The following RBFOX1 variants were observed in gnomAD, a reference collection of about 807,000 sequenced individuals.
The protein encoded by RBFOX1 is RNA binding protein fox-1 homolog 1.
A neutral mutation model predicts 57.7 loss-of-function variants in RBFOX1; 8 were observed. The observed-to-expected ratio is 0.14, with a 90% CI of 0.08 to 0.25. The LOEUF (loss-of-function observed/expected upper bound fraction) is 0.25, where lower values mean the gene tolerates loss of function less well. Ranked by LOEUF, RBFOX1 falls within the 10% of genes least tolerant of loss-of-function variation. RBFOX1 has a pLI of 1.00. For missense variants in RBFOX1, 611 were observed against 548.5 expected (o/e 1.11, Z -1.14); for synonymous variants, 326 against 222.4 (o/e 1.47, Z -4.15).
chr16:6,664,618 A>T (rs1226583168), intron 3 of RBFOX1, among the ~76,000 whole-genome samples: 1 of 152,190 alleles, frequency 6.6e-6, no homozygotes, highest in African/African-American at 2.4e-5. Context: ...GAGATTCGAC[A>T]TCATTTTTAC....
chr16:6,755,190 C>A (rs1322746555), intron 3 of RBFOX1, among the ~76,000 whole-genome samples: 2 of 152,166 alleles, frequency 1.3e-5, no homozygotes, highest in Non-Finnish European at 2.9e-5. Context: ...TTTATAGCAG[C>A]ATGATTTATA....
intron 3 of RBFOX1, among the ~76,000 whole-genome samples, chr16:6,693,706 T>C (rs1477390372): frequency 6.6e-6 from 1 of 151,412 alleles, no homozygotes; most frequent in Admixed American, 6.6e-5. Context: ...ACCATCATCC[T>C]CCTCCACTAC....
At chr16:6,656,809 G>C (rs926546618) in intron 3 of RBFOX1, among the ~76,000 whole-genome samples, 8 of 151,954 alleles carry the variant, frequency 5.3e-5, no homozygotes, top group African/African-American at 1.9e-4. Context: ...ATAATGCCCA[G>C]TTAAAATTCT....
intron 4 of RBFOX1, among the ~76,000 whole-genome samples, chr16:7,268,276 A>T (rs1213754308): frequency 6.6e-6 from 1 of 152,164 alleles, no homozygotes; most frequent in East Asian, 1.9e-4. Context: ...TTGCATTTTC[A>T]AAATATTTTG....
rs149047440 is a variant in RBFOX1 at position 7,235,665 on chromosome 16, C to G, written c.27+183567C>G. ...GGATGAATATGATGCCTCCCTCTGCCATGACATCAAGAATATCCTCTTTGA... is the reference window on the plus strand; with the variant it reads ...GGATGAATATGATGCCTCCCTCTGCGATGACATCAAGAATATCCTCTTTGA... On this transcript the variant is annotated intron_variant, in intron 4 of 15. Coordinates refer to ENST00000550418, the MANE Select transcript of RBFOX1 (RefSeq NM_018723.4). 5.9e-3 allele frequency among the ~76,000 whole-genome samples: 901 copies of G among 152,314 alleles called. 16 individuals are homozygous for G. Among genetic ancestry groups the G allele is most frequent in the African/African-American group, 0.02 (846 of 41,554 alleles).
intron 3 of RBFOX1, among the ~76,000 whole-genome samples, chr16:5,857,331 G>C (rs1480171518): frequency 2.6e-5 from 4 of 152,094 alleles, no homozygotes; most frequent in Non-Finnish European, 5.9e-5. Flanking sequence ...AACTGTAACA[G>C]ATGTAATAAT....
intron 2 of RBFOX1, among the ~76,000 whole-genome samples, chr16:6,506,089 T>C (rs2096080968): frequency 6.6e-6 from 1 of 152,182 alleles, no homozygotes; most frequent in African/African-American, 2.4e-5. Context: ...CTTGCATATA[T>C]CCAGACATGC....
intron 4 of RBFOX1, among the ~76,000 whole-genome samples, chr16:7,094,678 T>A (rs1192708407): frequency 1.3e-5 from 2 of 150,420 alleles, no homozygotes; most frequent in Non-Finnish European, 3.0e-5. Flanking sequence ...TACTCCAATG[T>A]CTTGTTAGTG....
chr16:5,304,574 T>C (rs1157447572), intron 1 of RBFOX1, among the ~76,000 whole-genome samples: 1 of 152,346 alleles, frequency 6.6e-6, no homozygotes. Flanking sequence ...CATTCATTCA[T>C]TGAATAAATA....
At chr16:7,330,585 C>G (rs982632388) in intron 4 of RBFOX1, among the ~76,000 whole-genome samples, 1 of 151,032 alleles carries the variant, frequency 6.6e-6, no homozygotes, top group South Asian at 2.1e-4. Flanking sequence ...ATCTTCTCTG[C>G]AGTTTCCAGC....
At chr16:7,234,889 T>C (rs970637290) in intron 4 of RBFOX1, among the ~76,000 whole-genome samples, 2 of 152,102 alleles carry the variant, frequency 1.3e-5, no homozygotes, top group Admixed American at 6.6e-5. Context: ...CCCATAAGAA[T>C]TATTCACAGA....
At chr16:5,544,478 T>A (rs1012676523) in intron 2 of RBFOX1, among the ~76,000 whole-genome samples, 1 of 151,974 alleles carries the variant, frequency 6.6e-6, no homozygotes, top group Non-Finnish European at 1.5e-5. Context: ...AATTTCACTC[T>A]AAGAGACTAG....
At chr16:5,492,677 C>A (rs988282997) in intron 2 of RBFOX1, among the ~76,000 whole-genome samples, 1 of 151,976 alleles carries the variant, frequency 6.6e-6, no homozygotes, top group Non-Finnish European at 1.5e-5. Flanking sequence ...CAGTGCTTGT[C>A]TTCAGCTTTC....
intron 4 of RBFOX1, among the ~76,000 whole-genome samples, chr16:7,389,068 C>A (rs530109533): frequency 6.6e-6 from 1 of 152,210 alleles, no homozygotes; most frequent in Non-Finnish European, 1.5e-5. Flanking sequence ...GTAATATGTT[C>A]AGTGCAGCAC....
intron 4 of RBFOX1, among the ~76,000 whole-genome samples, chr16:5,953,408 G>A (rs971385695): frequency 1.3e-5 from 2 of 151,978 alleles, no homozygotes; most frequent in Non-Finnish European, 2.9e-5. Flanking sequence ...AGTTCTTTAG[G>A]GGTGATTTGT....
chr16:7,197,060 T>G (rs1447317001), intron 4 of RBFOX1, among the ~76,000 whole-genome samples: 2 of 152,234 alleles, frequency 1.3e-5, no homozygotes, highest in East Asian at 3.9e-4. Context: ...AGTTGCTCCT[T>G]GTGTGCTAGA....
intron 4 of RBFOX1, among the ~76,000 whole-genome samples, chr16:7,135,776 C>T (rs1375845809): frequency 6.6e-6 from 1 of 152,252 alleles, no homozygotes; most frequent in African/African-American, 2.4e-5. Flanking sequence ...CAATTAACCA[C>T]ATGTAATTAT....
At chr16:5,393,556 C>T (rs1489419710) in intron 1 of RBFOX1, among the ~76,000 whole-genome samples, 1 of 152,210 alleles carries the variant, frequency 6.6e-6, no homozygotes, top group African/African-American at 2.4e-5. Context: ...GGATTTTGTC[C>T]TGCTCAATGG....
intron 4 of RBFOX1, among the ~76,000 whole-genome samples, chr16:7,085,808 A>G (rs971261100): frequency 3.3e-5 from 5 of 152,142 alleles, no homozygotes; most frequent in African/African-American, 7.2e-5. Flanking sequence ...GGAGAAAGCA[A>G]TCAATCCTGG....
Sources: allele counts gnomAD v4.1 joint callset (sites outside exome capture counted in the v4.1 genomes callset), GRCh38; gene constraint gnomAD v4.1.1; transcripts MANE v1.5; gene names NCBI Gene and HGNC (gene_info 2026-07-23, HGNC 2026-07-21).